SLC22A23: variants seen among roughly 807,000 people sequenced by gnomAD.
SLC22A23 encodes solute carrier family 22 member 23.
Under a neutral mutation model 61.0 loss-of-function variants are expected in SLC22A23, and 26 were observed. That is an observed-to-expected ratio of 0.43 (90% CI 0.31 to 0.59). SLC22A23 has a LOEUF of 0.59. Among genes scored for constraint, SLC22A23 ranks in the 20% least tolerant of loss-of-function variants. The probability of loss-of-function intolerance (pLI) is 0.11; values close to 1 mark genes in which losing one functional copy is unlikely to be tolerated. For missense variants in SLC22A23, 796 were observed against 934.7 expected (o/e 0.85, Z 1.94); for synonymous variants, 430 against 413.9 (o/e 1.04, Z -0.47).
At chr6:3,306,745 T>TG (rs147413356) in intron 4 of SLC22A23, among the ~76,000 whole-genome samples, 2,088 of 151,918 alleles carry the variant, frequency 0.014, 46 homozygotes, top group African/African-American at 0.048. Context: ...AAACCCCAGG[T>TG]GGGGGGAGAG....
intron 3 of SLC22A23, chr6:3,377,730 G>T (rs1019478623): frequency 6.5e-6 from 1 of 152,678 alleles, no homozygotes; most frequent in Non-Finnish European, 1.5e-5. Context: ...GGGCCAGGCA[G>T]AGGCTGTAGG....
rs1039777848 is a variant in SLC22A23 at position 3,318,256 on chromosome 6, G to C, written c.1082+5578C>G. On this transcript the variant is annotated intron_variant, in intron 4 of 9. Transcript: ENST00000406686. This position sits in a 1 kb window ranked among gnomAD's most constrained non-coding sequence, Gnocchi z 4.3. ...GATTCCAGAGAGGCTGCTCCTCCCA[G>C]GGTTCGCTAATTCCTAGACAGAGTA... Among the ~76,000 whole-genome samples, 3 of 152,132 alleles carry C rather than the reference G, an allele frequency of 2.0e-5. No individual in the cohort carries two copies. Among genetic ancestry groups the C allele is most frequent in the Non-Finnish European group, 2.9e-5 (2 of 68,028 alleles).
Position 3,333,204 on chromosome 6 carries a change from G to A in SLC22A23, c.914-9202C>T, listed in dbSNP as rs1763674245. On this transcript the variant is annotated intron_variant, in intron 3 of 9. Transcript: ENST00000406686. The surrounding 1 kb of genome is among the most constrained non-coding windows in gnomAD (Gnocchi z 4.1). ...TGATTTTCTAATTCCATCCTTCACT[G>A]TATACTGTTTTCACCTTGAATTACT... 6.6e-6 allele frequency among the ~76,000 whole-genome samples: 1 copy of A among 152,118 alleles called. No individual in the cohort carries two copies. Among genetic ancestry groups the A allele is most frequent in the Admixed American group, 6.5e-5 (1 of 15,280 alleles).
chr6:3,433,790 G>C (rs1273111458), intron 1 of SLC22A23, among the ~76,000 whole-genome samples: 3 of 152,178 alleles, frequency 2.0e-5, no homozygotes, highest in Non-Finnish European at 2.9e-5. Context: ...TGACACGGCG[G>C]ACCACAGGCC....
chr6:3,362,404 CAA>C (rs1156353716), intron 3 of SLC22A23, among the ~76,000 whole-genome samples: 1 of 53,170 alleles, frequency 1.9e-5, no homozygotes. Flanking sequence ...TTCCGTCTCA[CAA>C]AAAAAAAAAA....
At position 3,410,223 on chromosome 6, in the gene SLC22A23, C is replaced by G. The variant is rs1333534834; in HGVS notation, c.878G>C (p.Cys293Ser). 2 of 1,613,716 alleles carry G rather than the reference C, an allele frequency of 1.2e-6. No individual in the cohort carries two copies. Among genetic ancestry groups the G allele is most frequent in the Non-Finnish European group, 1.7e-6 (2 of 1,179,922 alleles). ...FSTLRFFEGF[C>S]LAGIILTLYA... Reference sequence around the variant, plus strand: ...CAAGGTGAGAATGATTCCAGCCAGGCAAAATCCTTCAAAGAACCTGAGTGT... The same window carrying G: ...CAAGGTGAGAATGATTCCAGCCAGGGAAAATCCTTCAAAGAACCTGAGTGT... The change falls in exon 3 of 10, where the codon TGC becomes TCC. Residue 293 changes from cysteine to serine, a missense_variant. Cys to Ser is a moderately radical substitution (Grantham distance 112, BLOSUM62 -1). Coordinates refer to ENST00000406686, the MANE Select transcript of SLC22A23 (RefSeq NM_015482.2). The surrounding 1 kb of genome is among the most constrained non-coding windows in gnomAD (Gnocchi z 5.0).
intron 4 of SLC22A23, among the ~76,000 whole-genome samples, chr6:3,300,855 A>G (rs1213820308): frequency 6.6e-6 from 1 of 152,216 alleles, no homozygotes; most frequent in African/African-American, 2.4e-5. Context: ...TCACTCTGGA[A>G]GACTTGGGAG....
At chr6:3,438,484 G>C (rs1156265359) in intron 1 of SLC22A23, 1 of 456,564 alleles carries the variant, frequency 2.2e-6, no homozygotes, top group Non-Finnish European at 4.4e-6. Flanking sequence ...CAGTGCTTAC[G>C]TTCAGCTCCG....
At chr6:3,430,976 G>A (rs1364072172) in intron 1 of SLC22A23, among the ~76,000 whole-genome samples, 1 of 149,692 alleles carries the variant, frequency 6.7e-6, no homozygotes, top group Non-Finnish European at 1.5e-5. Context: ...TGAGGCAGGA[G>A]AATCACTTCA....
chr6:3,301,450 G>T (rs960863675), intron 4 of SLC22A23, among the ~76,000 whole-genome samples: 10 of 152,194 alleles, frequency 6.6e-5, no homozygotes, highest in African/African-American at 2.4e-4. Context: ...CAGCGCAAGC[G>T]ATTTCGCAGG....
chr6:3,377,042 G>A (rs1766616503), intron 3 of SLC22A23, among the ~76,000 whole-genome samples: 1 of 152,096 alleles, frequency 6.6e-6, no homozygotes, highest in Non-Finnish European at 1.5e-5. Flanking sequence ...TTCCAATCAG[G>A]TGAGTCATCT....
intron 1 of SLC22A23, among the ~76,000 whole-genome samples, chr6:3,433,557 T>G (rs73723003): frequency 4.6e-5 from 7 of 152,284 alleles, no homozygotes; most frequent in African/African-American, 1.7e-4. Context: ...TTTTAAATAT[T>G]AGAACAGAGG....
intron 1 of SLC22A23, among the ~76,000 whole-genome samples, 167 bp downstream of exon 1, chr6:3,455,739 A>G (rs891005042): frequency 6.6e-6 from 1 of 152,200 alleles, no homozygotes; most frequent in Non-Finnish European, 1.5e-5. Flanking sequence ...TTTACACCCA[A>G]GTAAAGGCAT....
chr6:3,273,878 G>A (rs1013305019), intron 9 of SLC22A23, among the ~76,000 whole-genome samples: 4 of 152,180 alleles, frequency 2.6e-5, no homozygotes, highest in Non-Finnish European at 5.9e-5. Flanking sequence ...AACACGAACA[G>A]AGACTTTCTC....
intron 1 of SLC22A23, among the ~76,000 whole-genome samples, chr6:3,435,007 C>T (rs1232921062): frequency 1.3e-5 from 2 of 152,170 alleles, no homozygotes; most frequent in African/African-American, 4.8e-5. Flanking sequence ...AACCCATCCA[C>T]ACTGCTCCAT....
chr6:3,456,424 C>A lies in SLC22A23; in HGVS notation c.136G>T (p.Gly46Cys), dbSNP rs978968840. 1 of 1,338,352 alleles carries A rather than the reference C, an allele frequency of 7.5e-7. No homozygotes were observed. Among genetic ancestry groups the A allele is most frequent in the African/African-American group, 1.5e-5 (1 of 65,498 alleles). The allele number at this position is 1,338,352 out of a possible 1,614,324, so 82.9% of individuals were successfully genotyped here. ...GGCAGCGGCTGGATCTCCGCGCCGC[C>A]GCCGGGGCCCGCGCGTCCCCCGAGG... ...APLGGRAGPGGGAEIQPLPPL... is the reference protein window; with the variant it reads ...APLGGRAGPGCGAEIQPLPPL... The change falls in exon 1 of 10, where the codon GGC (glycine) becomes TGC (cysteine). Residue 46 changes from glycine (G) to cysteine (C), a missense_variant. Gly to Cys is a radical substitution (Grantham distance 159, BLOSUM62 -3). Coordinates refer to ENST00000406686, the MANE Select transcript of SLC22A23 (RefSeq NM_015482.2). The surrounding 1 kb of genome is among the most constrained non-coding windows in gnomAD (Gnocchi z 7.1).
chr6:3,279,724 G>A (rs1759259321), intron 9 of SLC22A23, among the ~76,000 whole-genome samples: 1 of 151,756 alleles, frequency 6.6e-6, no homozygotes, highest in African/African-American at 2.4e-5. Context: ...GCTTTTCTCT[G>A]GGTTGTCACT....
chr6:3,378,547 C>T (rs1466780068), intron 3 of SLC22A23, among the ~76,000 whole-genome samples: 1 of 152,006 alleles, frequency 6.6e-6, no homozygotes, highest in Non-Finnish European at 1.5e-5. Flanking sequence ...ACTTGAAGGG[C>T]ATTAGACTGG....
chr6:3,364,221 T>C (rs970348830), intron 3 of SLC22A23, among the ~76,000 whole-genome samples: 1 of 152,210 alleles, frequency 6.6e-6, no homozygotes, highest in South Asian at 2.1e-4. Flanking sequence ...CAAACACTTG[T>C]ACGGGGTTTC....
Sources: allele counts gnomAD v4.1 joint callset (sites outside exome capture counted in the v4.1 genomes callset), GRCh38; gene constraint gnomAD v4.1.1; non-coding constraint Gnocchi (gnomAD v3.1); transcripts MANE v1.5; gene names NCBI Gene and HGNC (gene_info 2026-07-23, HGNC 2026-07-21).